The following FHIT variants were observed in gnomAD, a reference collection of about 807,000 sequenced individuals.
FHIT encodes the protein fragile histidine triad diadenosine triphosphatase, also known as bis(5'-adenosyl)-triphosphatase.
In FHIT, 19 loss-of-function variants were observed where a neutral mutation model predicts 17.9. The observed-to-expected ratio is 1.06, with a 90% CI of 0.74 to 1.56. The LOEUF (loss-of-function observed/expected upper bound fraction) is 1.56, where lower values mean the gene tolerates loss of function less well. Ranked by LOEUF, FHIT falls within the 40% of genes most tolerant of loss-of-function variation. The probability of loss-of-function intolerance (pLI) is 0.00; values close to 1 mark genes in which losing one functional copy is unlikely to be tolerated. For missense variants in FHIT, 248 were observed against 189.2 expected (o/e 1.31, Z -1.82); for synonymous variants, 81 against 69.7 (o/e 1.16, Z -0.81).
intron 1 of FHIT, among the ~76,000 whole-genome samples, chr3:61,206,767 G>T (rs1439586069): frequency 6.6e-6 from 1 of 151,954 alleles, no homozygotes; most frequent in African/African-American, 2.4e-5. Context: ...TCTGCAAACA[G>T]GGACAATTTG....
chr3:60,947,338 G>A (rs1708682488), intron 3 of FHIT, among the ~76,000 whole-genome samples: 1 of 152,106 alleles, frequency 6.6e-6, no homozygotes, highest in Admixed American at 6.5e-5. Context: ...CTCCTAAGAA[G>A]CATCTGGTAT....
At chr3:60,784,977 T>C (rs989412095) in intron 4 of FHIT, among the ~76,000 whole-genome samples, 3 of 152,092 alleles carry the variant, frequency 2.0e-5, no homozygotes, top group Non-Finnish European at 4.4e-5. Flanking sequence ...GACATTTCTG[T>C]TGTTTATGAG....
intron 2 of FHIT, among the ~76,000 whole-genome samples, chr3:61,115,823 A>T (rs2036284549): frequency 6.6e-6 from 1 of 152,188 alleles, no homozygotes; most frequent in Non-Finnish European, 1.5e-5. Context: ...GTATTGAAAA[A>T]AGAAAAAGGT....
chr3:60,312,622 G>A (rs1708997054), intron 5 of FHIT, among the ~76,000 whole-genome samples: 1 of 152,154 alleles, frequency 6.6e-6, no homozygotes, highest in Non-Finnish European at 1.5e-5. Flanking sequence ...CTGAGATTCT[G>A]CATTTCCAAT....
chr3:60,579,480 A>G (rs1408142465), intron 4 of FHIT, among the ~76,000 whole-genome samples: 1 of 152,158 alleles, frequency 6.6e-6, no homozygotes, highest in East Asian at 1.9e-4. Context: ...AATAAAGTGT[A>G]TGTTGACTTA....
chr3:60,171,807 G>A (rs1576246294), intron 5 of FHIT, among the ~76,000 whole-genome samples: 1 of 152,050 alleles, frequency 6.6e-6, no homozygotes, highest in Admixed American at 6.6e-5. Context: ...CTGGGCTCAA[G>A]CAATCCTCTT....
intron 5 of FHIT, among the ~76,000 whole-genome samples, chr3:60,411,423 T>G (rs1702056044): frequency 6.6e-6 from 1 of 152,094 alleles, no homozygotes; most frequent in East Asian, 1.9e-4. Context: ...GCAGTAACCC[T>G]ACATTAGGGG....
chr3:60,696,209 A>C (rs17063813), intron 4 of FHIT, among the ~76,000 whole-genome samples: 2,464 of 152,298 alleles, frequency 0.016, 62 homozygotes, highest in African/African-American at 0.056. Flanking sequence ...GGTCTTACAA[A>C]ACACTGAATG....
chr3:60,762,407 T>C (rs1162402647), intron 4 of FHIT, among the ~76,000 whole-genome samples: 1 of 152,190 alleles, frequency 6.6e-6, no homozygotes, highest in African/African-American at 2.4e-5. Flanking sequence ...CCAAGATCCT[T>C]CCCTCTTTCT....
chr3:60,713,362 A>G (rs1160526393), intron 4 of FHIT, among the ~76,000 whole-genome samples: 1 of 151,424 alleles, frequency 6.6e-6, no homozygotes, highest in Non-Finnish European at 1.5e-5. Flanking sequence ...ATCACAGTTA[A>G]AAGAACTAGA....
intron 5 of FHIT, among the ~76,000 whole-genome samples, chr3:60,019,062 C>T (rs1700452730): frequency 6.6e-6 from 1 of 152,168 alleles, no homozygotes; most frequent in South Asian, 2.1e-4. Flanking sequence ...GAGGGTCTCA[C>T]CTGGACTCAC....
intron 4 of FHIT, among the ~76,000 whole-genome samples, chr3:60,579,234 G>A (rs969090168): frequency 3.9e-5 from 6 of 152,054 alleles, no homozygotes; most frequent in South Asian, 2.1e-4. Context: ...TAGGCTATAC[G>A]CTATATGCTA....
intron 5 of FHIT, among the ~76,000 whole-genome samples, chr3:60,194,429 A>C (rs1702533712): frequency 6.6e-6 from 1 of 152,188 alleles, no homozygotes; most frequent in African/African-American, 2.4e-5. Context: ...CATATACAAA[A>C]ATCAACTCAA....
intron 8 of FHIT, among the ~76,000 whole-genome samples, chr3:59,772,021 A>G (rs1461760644): frequency 6.6e-6 from 1 of 152,182 alleles, no homozygotes; most frequent in African/African-American, 2.4e-5. Context: ...TTTATGACAC[A>G]CTAAAACAAA....
At chr3:60,892,047 G>T (rs960003050) in intron 3 of FHIT, among the ~76,000 whole-genome samples, 2 of 152,120 alleles carry the variant, frequency 1.3e-5, no homozygotes, top group African/African-American at 2.4e-5. Flanking sequence ...GTCAGTCCAT[G>T]GATTGGGATC....
At chr3:60,925,419 G>A (rs1354749350) in intron 3 of FHIT, among the ~76,000 whole-genome samples, 2 of 152,178 alleles carry the variant, frequency 1.3e-5, no homozygotes, top group African/African-American at 2.4e-5. Context: ...CATTCTTAAA[G>A]AAAAGAATTT....
chr3:60,723,162 G>A (rs1330386594), intron 4 of FHIT, among the ~76,000 whole-genome samples: 1 of 152,176 alleles, frequency 6.6e-6, no homozygotes, highest in East Asian at 1.9e-4. Flanking sequence ...CCCACGGCAT[G>A]CTGAATCCTC....
At chr3:59,953,852 C>A (rs183045947) in intron 7 of FHIT, among the ~76,000 whole-genome samples, 1 of 152,332 alleles carries the variant, frequency 6.6e-6, no homozygotes, top group African/African-American at 2.4e-5. Context: ...GTGCCTGGTA[C>A]CTACTGGTGT....
chr3:60,449,698 T>C (rs1241809657), intron 5 of FHIT, among the ~76,000 whole-genome samples: 1 of 151,926 alleles, frequency 6.6e-6, no homozygotes, highest in Admixed American at 6.6e-5. Context: ...ATAAAAAAGA[T>C]ACTATAAAAA....
Sources: allele counts gnomAD v4.1 joint callset (sites outside exome capture counted in the v4.1 genomes callset), GRCh38; gene constraint gnomAD v4.1.1; transcripts MANE v1.5; gene names NCBI Gene and HGNC (gene_info 2026-07-23, HGNC 2026-07-21).